COP1: variants seen among roughly 807,000 people sequenced by gnomAD.
COP1 encodes E3 ubiquitin-protein ligase COP1.
COP1 carries 24 observed loss-of-function variants against 101.3 expected under a neutral mutation model. The ratio of observed to expected loss-of-function variants is 0.24; its 90% confidence interval spans 0.17 to 0.33. The LOEUF is 0.33. Ranked by LOEUF, COP1 falls within the 10% of genes least tolerant of loss-of-function variation. COP1 has a pLI of 1.00. For missense variants in COP1, 663 were observed against 906.2 expected (o/e 0.73, Z 3.45); for synonymous variants, 347 against 341.9 (o/e 1.01, Z -0.17).
intron 11 of COP1, among the ~76,000 whole-genome samples, chr1:176,061,861 T>C (rs1572004915): frequency 6.6e-6 from 1 of 152,176 alleles, no homozygotes; most frequent in African/African-American, 2.4e-5. Flanking sequence ...CTCATGTTCC[T>C]TGAAAGACAC....
intron 5 of COP1, among the ~76,000 whole-genome samples, chr1:176,162,307 T>C (rs1012230234): frequency 1.3e-5 from 2 of 150,580 alleles, no homozygotes; most frequent in Admixed American, 6.6e-5. Context: ...TTGCTTATAA[T>C]ATATCACACT....
intron 9 of COP1, among the ~76,000 whole-genome samples, chr1:176,095,991 T>C (rs761345488): frequency 3.3e-5 from 5 of 152,202 alleles, no homozygotes; most frequent in Non-Finnish European, 5.9e-5. Flanking sequence ...ATGAGAAGTA[T>C]GCACTGTACT....
At chr1:176,190,308 T>G (rs1215465194) in intron 1 of COP1, among the ~76,000 whole-genome samples, 3 of 152,092 alleles carry the variant, frequency 2.0e-5, no homozygotes, top group African/African-American at 4.8e-5. Flanking sequence ...GTTCAGATTT[T>G]GGAGCATTTC....
intron 14 of COP1, among the ~76,000 whole-genome samples, chr1:176,030,149 G>C (rs899663801): frequency 1.3e-5 from 2 of 152,076 alleles, no homozygotes; most frequent in African/African-American, 4.8e-5. Flanking sequence ...GATGGAGTAA[G>C]ATTTTTAAAT....
intron 18 of COP1, chr1:175,968,643 A>T (rs1236918982): frequency 2.5e-6 from 1 of 397,518 alleles, no homozygotes; most frequent in African/African-American, 2.1e-5. Context: ...CAGGATTCAG[A>T]TAACAGGAAA....
chr1:175,962,731 T>C (rs952765939), intron 18 of COP1, among the ~76,000 whole-genome samples: 23 of 152,200 alleles, frequency 1.5e-4, no homozygotes, highest in African/African-American at 5.3e-4. Context: ...ACCAGTGTTC[T>C]ATTCCTTCAG....
chr1:175,994,581 C>G (rs1238918189), intron 15 of COP1, among the ~76,000 whole-genome samples: 3 of 152,090 alleles, frequency 2.0e-5, no homozygotes, highest in African/African-American at 4.8e-5. Flanking sequence ...CAAAAAAAGG[C>G]AGGGGTTGCA....
At chr1:176,014,888 A>G (rs1439201901) in intron 15 of COP1, among the ~76,000 whole-genome samples, 1 of 151,416 alleles carries the variant, frequency 6.6e-6, no homozygotes, top group Non-Finnish European at 1.5e-5. Context: ...TGGGGGATAC[A>G]ATAATGAACA....
At chr1:176,186,701 G>A (rs1698490839) in intron 1 of COP1, among the ~76,000 whole-genome samples, 1 of 152,192 alleles carries the variant, frequency 6.6e-6, no homozygotes, top group Admixed American at 6.5e-5. Flanking sequence ...CTGCTATGCT[G>A]AAAAGAAGAC....
At chr1:175,992,491 G>A (rs948601514) in intron 15 of COP1, among the ~76,000 whole-genome samples, 8 of 152,338 alleles carry the variant, frequency 5.3e-5, no homozygotes, top group Admixed American at 4.6e-4. Flanking sequence ...CCCTTTCCTA[G>A]TCAAAGAAAG....
intron 18 of COP1, among the ~76,000 whole-genome samples, chr1:175,985,581 C>G (rs1656912044): frequency 6.6e-6 from 1 of 152,130 alleles, no homozygotes; most frequent in Admixed American, 6.5e-5. Context: ...TCCCTGCAAC[C>G]CTGTGAAGCT....
intron 15 of COP1, among the ~76,000 whole-genome samples, chr1:176,006,516 C>T (rs1454375484): frequency 4.6e-5 from 7 of 152,158 alleles, no homozygotes; most frequent in Non-Finnish European, 8.8e-5. Flanking sequence ...TTAGTGCTTC[C>T]TTCAGGAGCT....
intron 11 of COP1, among the ~76,000 whole-genome samples, chr1:176,077,596 C>T (rs951246846): frequency 6.6e-6 from 1 of 152,080 alleles, no homozygotes; most frequent in Non-Finnish European, 1.5e-5. Flanking sequence ...TAAAACAAGA[C>T]AAGGATGCCC....
intron 15 of COP1, among the ~76,000 whole-genome samples, chr1:176,007,538 C>G (rs1187875763): frequency 6.6e-6 from 1 of 150,508 alleles, no homozygotes; most frequent in Non-Finnish European, 1.5e-5. Context: ...GATGTCCTTT[C>G]TGTTTGGTAG....
intron 10 of COP1, among the ~76,000 whole-genome samples, chr1:176,084,491 G>A (rs1176739374): frequency 1.3e-5 from 2 of 151,858 alleles, no homozygotes; most frequent in Admixed American, 6.6e-5. Flanking sequence ...TCACACAACT[G>A]GAAAAAACTA....
chr1:176,019,785 TG>T (rs1666402864), intron 15 of COP1, among the ~76,000 whole-genome samples: 1 of 151,226 alleles, frequency 6.6e-6, no homozygotes, highest in Non-Finnish European at 1.5e-5. Context: ...CACTTGAGCC[TG>T]GAAGGCAGAG....
intron 1 of COP1, among the ~76,000 whole-genome samples, chr1:176,199,318 AAAAAAAGAT>A (rs1381557441): frequency 6.6e-6 from 1 of 152,142 alleles, no homozygotes; most frequent in Non-Finnish European, 1.5e-5. Flanking sequence ...CTCCCATCTC[AAAAAAAGAT>A]AAAAAAGAAA....
intron 11 of COP1, among the ~76,000 whole-genome samples, chr1:176,073,361 A>C (rs1222777786): frequency 6.6e-6 from 1 of 152,208 alleles, no homozygotes; most frequent in African/African-American, 2.4e-5. Flanking sequence ...AACAAACATA[A>C]GTAAAAATAT....
intron 14 of COP1, among the ~76,000 whole-genome samples, chr1:176,030,770 G>C (rs1006880238): frequency 2.6e-5 from 4 of 152,120 alleles, no homozygotes; most frequent in Non-Finnish European, 2.9e-5. Flanking sequence ...AAACAAAACA[G>C]GTGTTAATTG....
Sources: allele counts gnomAD v4.1 joint callset (sites outside exome capture counted in the v4.1 genomes callset), GRCh38; gene constraint gnomAD v4.1.1; transcripts MANE v1.5; gene names NCBI Gene and HGNC (gene_info 2026-07-23, HGNC 2026-07-21).